Variants in COL6A5 observed in about 807,000 individuals in gnomAD.
The protein encoded by COL6A5 is collagen type VI alpha 5 chain.
Under a neutral mutation model 65.6 loss-of-function variants are expected in COL6A5, and 48 were observed. The observed-to-expected ratio is 0.73, with a 90% CI of 0.58 to 0.93. The LOEUF (loss-of-function observed/expected upper bound fraction) is 0.93, where lower values mean the gene tolerates loss of function less well. Ranked by LOEUF, COL6A5 falls within the 40% of genes least tolerant of loss-of-function variation. The probability of loss-of-function intolerance (pLI) is 0.00; values close to 1 mark genes in which losing one functional copy is unlikely to be tolerated. For missense variants in COL6A5, 914 were observed against 928.3 expected (o/e 0.98, Z 0.20); for synonymous variants, 291 against 322.8 (o/e 0.90, Z 1.05).
intron 20 of COL6A5, among the ~76,000 whole-genome samples, chr3:130,412,516 C>A (rs1937210091): frequency 6.6e-6 from 1 of 152,186 alleles, no homozygotes; most frequent in Non-Finnish European, 1.5e-5. Context: ...TGCATATAGT[C>A]TGTTACACAG....
At chr3:130,410,033 A>G (rs1428388027) in exon 19 of COL6A5, 16 of 1,549,870 alleles carry the variant, frequency 1.0e-5, no homozygotes, top group African/African-American at 1.4e-5. Flanking sequence ...AAACAATAAC[A>G]TCAAAGGACA....
At chr3:130,379,084 G>A (rs1315961235) in intron 3 of COL6A5, among the ~76,000 whole-genome samples, 9 of 152,102 alleles carry the variant, frequency 5.9e-5, no homozygotes, top group East Asian at 5.8e-4. Context: ...GGTGGTGGTC[G>A]TGGTGGAGGT....
intron 10 of COL6A5, among the ~76,000 whole-genome samples, chr3:130,399,880 G>A (rs56196458): frequency 0.58 from 87,887 of 151,786 alleles, 28,104 homozygotes; most frequent in Non-Finnish European, 0.73. Flanking sequence ...AGCCTCCCGA[G>A]TAGCTGGGAT....
chr3:130,449,394 T>C (rs1709376971), intron 4 of COL6A5, among the ~76,000 whole-genome samples: 1 of 152,130 alleles, frequency 6.6e-6, no homozygotes, highest in South Asian at 2.1e-4. Context: ...TCAGTCCCCC[T>C]TTGTGCCAGT....
rs190625267 is a variant in COL6A5, at chr3:130,410,054, A to G, written c.4588A>G (p.Lys1530Glu). The G allele has an allele frequency of 9.4e-5, 146 of 1,549,448 alleles. No homozygotes were observed. In the Admixed American group the frequency reaches 2.8e-3, roughly 29 times the overall value. Residue 1530 changes from lysine (K) to glutamate (E), a missense_variant and NMD_transcript_variant, in exon 19 of 42, where the codon AAA (lysine) becomes GAA (glutamate). Coordinates refer to the COL6A5 transcript ENST00000312481. ...TAACATCAAAGGACAAAAGGGCTCC[A>G]AAGGAGAACAAGGAAGACAAGTAAT...
At chr3:130,377,450 T>C (rs1453384478) in intron 3 of COL6A5, among the ~76,000 whole-genome samples, 1 of 152,228 alleles carries the variant, frequency 6.6e-6, no homozygotes, top group Non-Finnish European at 1.5e-5. Context: ...AACTGATATA[T>C]AGTGATACTC....
chr3:130,448,896 T>C (rs1000892193), intron 4 of COL6A5, among the ~76,000 whole-genome samples: 80 of 152,172 alleles, frequency 5.3e-4, no homozygotes, highest in Non-Finnish European at 6.6e-4. Context: ...ATCTTTAAGA[T>C]CAATAACTAT....
intron 1 of COL6A5, among the ~76,000 whole-genome samples, chr3:130,361,129 C>T (rs1935090448): frequency 6.6e-6 from 1 of 151,966 alleles, no homozygotes; most frequent in African/African-American, 2.4e-5. Context: ...TGTTAGGGTT[C>T]ACTCTTGGGA....
chr3:130,466,402 G>A (rs1709815874), intron 5 of COL6A5, among the ~76,000 whole-genome samples: 1 of 151,904 alleles, frequency 6.6e-6, no homozygotes, highest in African/African-American at 2.4e-5. Context: ...AGGGACATTA[G>A]AAAGTATAAT....
At chr3:130,425,181 TAGA>T (rs1937580957) in intron 29 of COL6A5, among the ~76,000 whole-genome samples, 1 of 152,180 alleles carries the variant, frequency 6.6e-6, no homozygotes, top group Non-Finnish European at 1.5e-5. Context: ...TGATTCGAAT[TAGA>T]AGGTTAATGT....
In COL6A5 at chr3:130,410,526, T is replaced by G. The variant is rs1577481145; in HGVS notation, c.4662+2T>G. The G allele has an allele frequency of 6.5e-7, 1 of 1,549,706 alleles. No individual in the cohort carries two copies. Among genetic ancestry groups the G allele is most frequent in the Non-Finnish European group, 8.7e-7 (1 of 1,145,382 alleles). Reference sequence around the variant, plus strand: ...AGTCCTAGTTCCAGAGGCAGCAGGGTAAGTATTTCTGTGGACATTTATTTC... The same window carrying G: ...AGTCCTAGTTCCAGAGGCAGCAGGGGAAGTATTTCTGTGGACATTTATTTC... On this transcript the variant is annotated splice_donor_variant and NMD_transcript_variant, in intron 20 of 41. Transcript: ENST00000312481.
At chr3:130,471,828 T>C in intron 7 of COL6A5, 1 of 1,535,032 alleles carries the variant, frequency 6.5e-7, no homozygotes, top group Non-Finnish European at 8.7e-7. Flanking sequence ...AAGTTATATC[T>C]GCTCTTTTCA....
chr3:130,347,307 C>CTAT (rs1319230751), intron 1 of COL6A5, among the ~76,000 whole-genome samples: 2 of 151,780 alleles, frequency 1.3e-5, no homozygotes, highest in Non-Finnish European at 2.9e-5. Flanking sequence ...TGATATTGAA[C>CTAT]TATTATTAAT....
At chr3:130,399,664 C>A (rs1936746782) in intron 10 of COL6A5, among the ~76,000 whole-genome samples, 1 of 151,904 alleles carries the variant, frequency 6.6e-6, no homozygotes, top group African/African-American at 2.4e-5. Flanking sequence ...AGCCACTGCA[C>A]CTGGCCAACT....
Position 130,346,354 on chromosome 3 carries a change from G to A in COL6A5, c.-29+373G>A, listed in dbSNP as rs963921574. ...CGGGATTCTGATGCAGCTAAAGTTT[G>A]AGAACCATTGCCTTAGAAGTCACTT... On this transcript the variant is annotated intron_variant and NMD_transcript_variant, in intron 1 of 41. Transcript: ENST00000312481. Among the ~76,000 whole-genome samples the A allele has an allele frequency of 6.6e-5, 10 of 152,148 alleles. No homozygotes were observed. In the East Asian group the frequency reaches 1.9e-3, roughly 29 times the overall value.
exon 2 of COL6A5, chr3:130,373,686 A>G (rs1232831823): frequency 1.1e-5 from 17 of 1,541,304 alleles, no homozygotes; most frequent in Non-Finnish European, 2.6e-6. Context: ...GGACTGAAAC[A>G]TTGGCAGACC....
upstream of COL6A5, among the ~76,000 whole-genome samples, chr3:130,429,889 G>A (rs1397585900): frequency 6.6e-6 from 1 of 152,170 alleles, no homozygotes; most frequent in East Asian, 1.9e-4. Context: ...ACGTTCTGTT[G>A]CTCTGTCTGC....
chr3:130,408,055 T>C (rs1201995440), intron 17 of COL6A5, among the ~76,000 whole-genome samples: 1 of 152,192 alleles, frequency 6.6e-6, no homozygotes, highest in Admixed American at 6.5e-5. Context: ...GTAAACCATG[T>C]GTGTTTGAAC....
exon 7 of COL6A5, chr3:130,391,277 C>A: frequency 6.4e-7 from 1 of 1,551,560 alleles, no homozygotes; most frequent in Non-Finnish European, 8.7e-7. Context: ...CCTAACTATC[C>A]ATTTGGTGAA....
Sources: gnomAD v4.1 joint callset for allele counts (sites outside exome capture counted in the v4.1 genomes callset) on GRCh38, gnomAD v4.1.1 for gene constraint, MANE v1.5 for transcripts, NCBI Gene and HGNC (gene_info 2026-07-23, HGNC 2026-07-21) for gene names.